PPP3CA: variants seen among roughly 807,000 people sequenced by gnomAD.
The protein encoded by PPP3CA is CAM-PRP catalytic subunit.
PPP3CA carries 14 observed loss-of-function variants against 66.5 expected under a neutral mutation model. That is an observed-to-expected ratio of 0.21 (90% CI 0.14 to 0.33). The LOEUF is 0.33. Ranked by LOEUF, PPP3CA falls within the 10% of genes least tolerant of loss-of-function variation. The pLI is 1.00. For synonymous variants in PPP3CA, 232 were observed against 226.2 expected, an observed-to-expected ratio of 1.03 and a Z score of -0.23; for missense variants, 317 against 639.5, an observed-to-expected ratio of 0.50 and a Z score of 5.44.
chr4:101,156,703 G>A (rs1468373258), intron 2 of PPP3CA, among the ~76,000 whole-genome samples: 1 of 151,860 alleles, frequency 6.6e-6, no homozygotes, highest in Non-Finnish European at 1.5e-5. Flanking sequence ...GAAAGAGAAA[G>A]CCATACTCCA....
chr4:101,227,639 G>A (rs1236851914), intron 1 of PPP3CA, among the ~76,000 whole-genome samples: 1 of 151,452 alleles, frequency 6.6e-6, no homozygotes, highest in East Asian at 2.0e-4. Context: ...ATGTTGCAGG[G>A]GGTTGGTGTA....
chr4:101,146,940 A>G (rs369337373), intron 2 of PPP3CA, among the ~76,000 whole-genome samples: 1 of 152,126 alleles, frequency 6.6e-6, no homozygotes, highest in African/African-American at 2.4e-5. Context: ...AAAAGTTTCA[A>G]ATTCTGTAGC....
chr4:101,168,949 T>C (rs567807689), intron 2 of PPP3CA, among the ~76,000 whole-genome samples: 1 of 152,292 alleles, frequency 6.6e-6, no homozygotes, highest in East Asian at 1.9e-4. Context: ...TTATAATTCT[T>C]TATAATTCTA....
At chr4:101,222,472 A>G (rs1725657833) in intron 1 of PPP3CA, among the ~76,000 whole-genome samples, 2 of 151,644 alleles carry the variant, frequency 1.3e-5, no homozygotes, top group Admixed American at 1.3e-4. Flanking sequence ...ACAATAATAC[A>G]CAAAAGATTA....
chr4:101,314,991 T>C (rs1578658087), intron 1 of PPP3CA, among the ~76,000 whole-genome samples: 1 of 152,230 alleles, frequency 6.6e-6, no homozygotes, highest in South Asian at 2.1e-4. Context: ...ACAACAGTCC[T>C]ACTTACAGAA....
At chr4:101,273,163 T>C (rs1727385417) in intron 1 of PPP3CA, among the ~76,000 whole-genome samples, 1 of 152,196 alleles carries the variant, frequency 6.6e-6, no homozygotes, top group Non-Finnish European at 1.5e-5. Context: ...TACAAACTGG[T>C]ATGTGTTTCT....
chr4:101,193,820 A>T (rs1196256251), intron 2 of PPP3CA, among the ~76,000 whole-genome samples: 1 of 152,224 alleles, frequency 6.6e-6, no homozygotes, highest in Non-Finnish European at 1.5e-5. Flanking sequence ...AGGAATATCT[A>T]GATTTCCAAT....
intron 8 of PPP3CA, among the ~76,000 whole-genome samples, chr4:101,076,545 T>C (rs558658437): frequency 1.7e-4 from 26 of 152,278 alleles, no homozygotes; most frequent in African/African-American, 6.0e-4. Flanking sequence ...GAAGTCTTTA[T>C]GGAAACGCAG....
chr4:101,173,678 C>A (rs1578520373), intron 2 of PPP3CA, among the ~76,000 whole-genome samples: 1 of 151,840 alleles, frequency 6.6e-6, no homozygotes, highest in African/African-American at 2.4e-5. Context: ...ATTTTTCAAT[C>A]AAAAAAATTC....
At position 101,024,944 on chromosome 4, in the gene PPP3CA, G is replaced by GATT. The variant is rs1726557933; in HGVS notation, c.*918_*920dup. The GATT allele has an allele frequency of 7.1e-6, 1 of 141,378 alleles. No individual in the cohort carries two copies. The highest frequency in any genetic ancestry group is 1.5e-5 in the Non-Finnish European group (1 of 67,368). The allele number at this position is 141,378 out of a possible 1,614,324, so 8.8% of individuals were successfully genotyped here. ...TTTTCTTAAAAAACATGCATAGGCA[G>GATT]ATTTTTTTTTTTTTTACAGAATATA... On this transcript the variant is annotated 3_prime_UTR_variant, in exon 14 of 14. Coordinates refer to ENST00000394854, the MANE Select transcript of PPP3CA (RefSeq NM_000944.5).
intron 1 of PPP3CA, among the ~76,000 whole-genome samples, chr4:101,342,420 T>C (rs1263019190): frequency 2.6e-5 from 4 of 152,144 alleles, no homozygotes; most frequent in Non-Finnish European, 5.9e-5. Context: ...CACTTTATAA[T>C]AGTCCCAAAA....
intron 1 of PPP3CA, among the ~76,000 whole-genome samples, chr4:101,251,702 A>G (rs756340509): frequency 9.2e-5 from 14 of 152,178 alleles, no homozygotes; most frequent in Non-Finnish European, 1.6e-4. Context: ...CAACTATAAT[A>G]ATAATAAATA....
chr4:101,086,280 T>C lies in PPP3CA; in HGVS notation c.783-3017A>G, dbSNP rs185479988. Among the ~76,000 whole-genome samples, 96 of 152,102 alleles carry C rather than the reference T, an allele frequency of 6.3e-4. 1 individual carries two copies. The highest frequency in any genetic ancestry group is 2.2e-3 in the African/African-American group (93 of 41,512). ...TGCAGATTGGTAGATAGGAAAGGGGTTAGAATTCTGCTCGGAAAAGAAGAG... is the reference window on the plus strand; with the variant it reads ...TGCAGATTGGTAGATAGGAAAGGGGCTAGAATTCTGCTCGGAAAAGAAGAG... On this transcript the variant is annotated intron_variant, in intron 6 of 13. Transcript: ENST00000394854.
intron 2 of PPP3CA, among the ~76,000 whole-genome samples, chr4:101,181,322 T>C (rs1314890656): frequency 6.6e-6 from 1 of 152,022 alleles, no homozygotes; most frequent in African/African-American, 2.4e-5. Flanking sequence ...GTAGAAGGAA[T>C]TTAACATCAG....
intron 2 of PPP3CA, among the ~76,000 whole-genome samples, chr4:101,124,964 C>T (rs899759851): frequency 6.6e-6 from 1 of 152,162 alleles, no homozygotes; most frequent in Non-Finnish European, 1.5e-5. Context: ...CACTTTTCAT[C>T]TACAGATGTA....
In PPP3CA at chr4:101,346,806, C is replaced by A; in HGVS notation, c.-10G>T. ...CCTTGGGCTCGGACATCTCCAGCTGCCGGAGGACAGCGACGCGCTGCTCGT... is the reference window on the plus strand; with the variant it reads ...CCTTGGGCTCGGACATCTCCAGCTGACGGAGGACAGCGACGCGCTGCTCGT... On this transcript the variant is annotated 5_prime_UTR_variant, in exon 1 of 14. Coordinates refer to ENST00000394854, the MANE Select transcript of PPP3CA (RefSeq NM_000944.5). The A allele has an allele frequency of 6.2e-7, 1 of 1,609,878 alleles. No homozygotes were observed. Among genetic ancestry groups the A allele is most frequent in the Non-Finnish European group, 8.5e-7 (1 of 1,178,566 alleles).
intron 7 of PPP3CA, among the ~76,000 whole-genome samples, chr4:101,082,268 C>A (rs1729474413): frequency 6.6e-6 from 1 of 152,184 alleles, no homozygotes; most frequent in Non-Finnish European, 1.5e-5. Flanking sequence ...CACCTGTTGA[C>A]TGATTGCTTG....
At position 101,034,274 on chromosome 4, in the gene PPP3CA, C is replaced by T. The variant is rs181427531; in HGVS notation, c.1242-1910G>A. ...TCCTCCTGCCCTGGCATCTGTGTGG[C>T]TCACTCCCACTCTGCCTTCTAATCT... is the stretch of plus-strand genomic sequence containing the variant. On this transcript the variant is annotated intron_variant, in intron 11 of 13. Coordinates refer to ENST00000394854, the MANE Select transcript of PPP3CA (RefSeq NM_000944.5). Among the ~76,000 whole-genome samples the T allele has an allele frequency of 5.9e-5, 9 of 152,330 alleles. No individual in the cohort carries two copies. The East Asian group carries it at 1.7e-3, about 29-fold the overall frequency.
chr4:101,151,916 A>G (rs1212810376), intron 2 of PPP3CA, among the ~76,000 whole-genome samples: 1 of 152,064 alleles, frequency 6.6e-6, no homozygotes, highest in Non-Finnish European at 1.5e-5. Flanking sequence ...TTGGCCTCCC[A>G]AAGTGCTGGG....
Sources: gnomAD v4.1 joint callset for allele counts (sites outside exome capture counted in the v4.1 genomes callset) on GRCh38, gnomAD v4.1.1 for gene constraint, MANE v1.5 for transcripts, NCBI Gene and HGNC (gene_info 2026-07-23, HGNC 2026-07-21) for gene names.